Variants in ANK2 observed in about 807,000 individuals in gnomAD.
ANK2 encodes ankyrin 2.
ANK2 carries 83 observed loss-of-function variants against 360.5 expected under a neutral mutation model. That is an observed-to-expected ratio of 0.23 (90% CI 0.19 to 0.28). The LOEUF is 0.28. Among genes scored for constraint, ANK2 ranks in the 10% least tolerant of loss-of-function variants. The pLI is 1.00. For missense variants in ANK2, 4,201 were observed against 4,795.7 expected, an observed-to-expected ratio of 0.88 and a Z score of 3.66; for synonymous variants, 1,740 against 1,759.5, an observed-to-expected ratio of 0.99 and a Z score of 0.28.
At chr4:113,021,647 T>C (rs1230596903) in intron 2 of ANK2, among the ~76,000 whole-genome samples, 1 of 149,570 alleles carries the variant, frequency 6.7e-6, no homozygotes, top group Non-Finnish European at 1.5e-5. Flanking sequence ...GAGATAACTT[T>C]CTGAAATATA....
In ANK2 at chr4:112,863,849, A is replaced by T. The variant is rs114738900; in HGVS notation, c.-39-40606A>T. Among the ~76,000 whole-genome samples, 769 of 152,142 alleles carry T rather than the reference A, an allele frequency of 5.1e-3. 9 individuals are homozygous for T. Among genetic ancestry groups the T allele is most frequent in the African/African-American group, 0.017 (726 of 41,520 alleles). On this transcript the variant is annotated intron_variant, in intron 1 of 30. Transcript: ENST00000503271. ...GAGTGTCTTTATTATTATTTTTTTG[A>T]TGTAGTGATGACTAACCAGTCAATT...
chr4:113,111,004 A>T (rs1166604995), intron 1 of ANK2, among the ~76,000 whole-genome samples: 1 of 152,204 alleles, frequency 6.6e-6, no homozygotes, highest in African/African-American at 2.4e-5. Context: ...GGCCAAGCAT[A>T]CTGAATTCAT....
chr4:113,312,988 GT>G (rs1235169006), intron 24 of ANK2, among the ~76,000 whole-genome samples: 2 of 152,118 alleles, frequency 1.3e-5, no homozygotes, highest in Non-Finnish European at 2.9e-5. Context: ...AAATTTGAGA[GT>G]TTTTTGAGAC....
upstream of ANK2, among the ~76,000 whole-genome samples, chr4:113,044,777 T>A (rs1579877830): frequency 6.6e-6 from 1 of 152,148 alleles, no homozygotes; most frequent in Non-Finnish European, 1.5e-5. Flanking sequence ...TTTCTCCTCT[T>A]ATAAGGACAC....
At chr4:112,729,785 G>T in the ANK2 span, among the ~76,000 whole-genome samples, 1 of 150,128 alleles carries the variant, frequency 6.7e-6, no homozygotes, top group South Asian at 2.1e-4. Context: ...GAAAAGAAAA[G>T]AAAATCTGGT....
chr4:113,162,522 T>C (rs1253632598), intron 1 of ANK2, among the ~76,000 whole-genome samples: 1 of 152,218 alleles, frequency 6.6e-6, no homozygotes, highest in Non-Finnish European at 1.5e-5. Context: ...TTGCACTTGC[T>C]ATTCCCTGGG....
intron 2 of ANK2, among the ~76,000 whole-genome samples, chr4:112,958,123 G>A (rs1259708579): frequency 6.6e-6 from 1 of 151,214 alleles, no homozygotes; most frequent in East Asian, 2.0e-4. Context: ...GGGCAGCCAG[G>A]CAGAGGGGCT....
At chr4:112,715,072 G>A in the ANK2 span, among the ~76,000 whole-genome samples, 1 of 152,210 alleles carries the variant, frequency 6.6e-6, no homozygotes, top group Non-Finnish European at 1.5e-5. Context: ...GGCTGGAGGT[G>A]ACTCCATGAC....
At chr4:112,765,584 A>G in the ANK2 span, among the ~76,000 whole-genome samples, 1 of 151,378 alleles carries the variant, frequency 6.6e-6, no homozygotes, top group Non-Finnish European at 1.5e-5. Context: ...TTCTAAGTTC[A>G]TTAAAACCCT....
chr4:113,293,200 C>A (rs1587431257), intron 21 of ANK2: 1 of 651,122 alleles, frequency 1.5e-6, no homozygotes, highest in Admixed American at 2.1e-5. Context: ...GCGTCAAGTG[C>A]TTCTTATTAA....
intron 27 of ANK2, among the ~76,000 whole-genome samples, chr4:113,331,141 T>C (rs1279307508): frequency 2.6e-5 from 4 of 152,208 alleles, no homozygotes; most frequent in Non-Finnish European, 2.9e-5. Context: ...AAGAAATGAA[T>C]AGCTACAGCT....
At chr4:112,761,038 C>T in the ANK2 span, among the ~76,000 whole-genome samples, 189 of 151,292 alleles carry the variant, frequency 1.2e-3, no homozygotes, top group African/African-American at 2.9e-3. Context: ...TGAACTCCTG[C>T]CCACATGATC....
Position 113,278,443 on chromosome 4 carries a change from A to G in ANK2, c.1783-17A>G. On this transcript the variant is annotated splice_polypyrimidine_tract_variant and intron_variant, in intron 16 of 45. Transcript: ENST00000357077. Reference sequence around the variant, plus strand: ...CCCTAATTTATTAATGCTGAAACTTAAACACACCCTTTACAGAACGGCCTT... The same window carrying G: ...CCCTAATTTATTAATGCTGAAACTTGAACACACCCTTTACAGAACGGCCTT... 1 of 1,612,176 alleles carries G rather than the reference A, an allele frequency of 6.2e-7. No individual in the cohort carries two copies. The highest frequency in any genetic ancestry group is 8.5e-7 in the Non-Finnish European group (1 of 1,178,318).
Position 113,354,772 on chromosome 4 carries a change from C to T in ANK2, c.6154C>T (p.Arg2052Ter), listed in dbSNP as rs1465539150. Residue 2052 changes from arginine to a stop codon, truncating the protein, a stop_gained, in exon 38 of 46, where the codon CGA becomes TGA. Transcript: ENST00000357077. LOFTEE classifies it high-confidence loss of function. The stretch of plus-strand genomic sequence containing the variant: ...GAAAACAGAGAATCAGACAATCAAA[C>T]GAGGCCAGAGACTCCCGGTAACGGG... Reference protein sequence around the residue: ...AQKTENQTIKRGQRLPVTGTA... With the variant: ...AQKTENQTIK 2 of 1,613,910 alleles carry T rather than the reference C, an allele frequency of 1.2e-6. No individual in the cohort carries two copies.
the ANK2 span, among the ~76,000 whole-genome samples, chr4:112,750,809 C>T: frequency 1.3e-5 from 2 of 152,064 alleles, no homozygotes; most frequent in South Asian, 2.1e-4. Flanking sequence ...CTCACTGCAA[C>T]CTCCACCACC....
intron 1 of ANK2, among the ~76,000 whole-genome samples, chr4:113,054,792 A>G (rs1206484546): frequency 6.6e-6 from 1 of 152,162 alleles, no homozygotes; most frequent in African/African-American, 2.4e-5. Context: ...TTTTTATTGG[A>G]AAGAAAAATA....
intron 2 of ANK2, among the ~76,000 whole-genome samples, chr4:112,941,581 TA>T (rs2094213951): frequency 7.0e-6 from 1 of 143,838 alleles, no homozygotes; most frequent in South Asian, 2.1e-4. Context: ...TATCTTTATA[TA>T]AAAAGGATAT....
intron 2 of ANK2, among the ~76,000 whole-genome samples, chr4:112,970,992 A>T (rs1023098742): frequency 3.3e-5 from 5 of 152,172 alleles, no homozygotes; most frequent in African/African-American, 4.8e-5. Context: ...TTAAAAATTA[A>T]TTTAAAATAC....
rs189527472 is a variant in ANK2, at chr4:112,898,910, A to G, written c.-39-5545A>G. ...AGCTCCATGAAGAAATTGCTGCCCTACAGACACTGATCCACGACTGTCAGT... is the reference window on the plus strand; with the variant it reads ...AGCTCCATGAAGAAATTGCTGCCCTGCAGACACTGATCCACGACTGTCAGT... On this transcript the variant is annotated intron_variant, in intron 1 of 30. Transcript: ENST00000503271. 1.1e-3 allele frequency among the ~76,000 whole-genome samples: 162 copies of G among 152,272 alleles called. 2 individuals are homozygous for G. Among genetic ancestry groups the G allele is most frequent in the African/African-American group, 3.7e-3 (153 of 41,562 alleles).
Sources: gnomAD v4.1 joint callset for allele counts (sites outside exome capture counted in the v4.1 genomes callset) on GRCh38, gnomAD v4.1.1 for gene constraint, MANE v1.5 for transcripts, NCBI Gene and HGNC (gene_info 2026-07-23, HGNC 2026-07-21) for gene names.